The following ZMYM1 variants were observed in gnomAD, a reference collection of about 807,000 sequenced individuals.
ZMYM1 encodes the protein zinc finger MYM-type containing 1.
A neutral mutation model predicts 60.0 loss-of-function variants in ZMYM1; 39 were observed. The ratio of observed to expected loss-of-function variants is 0.65; its 90% CI spans 0.50 to 0.85. The LOEUF (loss-of-function observed/expected upper bound fraction) is 0.85, where lower values mean the gene tolerates loss of function less well. Among genes scored for constraint, ZMYM1 ranks in the 40% least tolerant of loss-of-function variants. ZMYM1 has a pLI of 0.00. For synonymous variants in ZMYM1, 413 were observed against 454.0 expected (o/e 0.91, Z 1.15); for missense variants, 1,171 against 1,309.5 (o/e 0.89, Z 1.63).
At chr1:35,079,985 GC>G (rs978571843) in intron 1 of ZMYM1, among the ~76,000 whole-genome samples, 29 of 152,208 alleles carry the variant, frequency 1.9e-4, no homozygotes, top group African/African-American at 7.0e-4. Flanking sequence ...GGTGGCAGGC[GC>G]CTGTAATCTC....
chr1:35,064,812 C>T (rs1026925823), intron 1 of ZMYM1, among the ~76,000 whole-genome samples: 5 of 151,132 alleles, frequency 3.3e-5, no homozygotes, highest in South Asian at 4.2e-4. Flanking sequence ...TCAGCCTCTC[C>T]GAGTAGCTGG....
chr1:35,085,055 G>GT (rs919832236), intron 1 of ZMYM1, among the ~76,000 whole-genome samples: 22 of 150,510 alleles, frequency 1.5e-4, no homozygotes, highest in Middle Eastern at 3.4e-3. Flanking sequence ...TTTTGGTTTG[G>GT]TTTTTTTTTG....
At chr1:35,092,396 T>C (rs1643070663) in intron 1 of ZMYM1, among the ~76,000 whole-genome samples, 1 of 42,722 alleles carries the variant, frequency 2.3e-5, no homozygotes, top group East Asian at 4.2e-4. Flanking sequence ...CCACACTCGG[T>C]TGATTTTTTT....
chr1:35,084,180 C>CTT (rs934685708), intron 1 of ZMYM1, among the ~76,000 whole-genome samples: 52 of 142,632 alleles, frequency 3.6e-4, no homozygotes, highest in African/African-American at 9.7e-4. Flanking sequence ...TTCCATTTAA[C>CTT]TTTTTTTTTT....
chr1:35,077,097 T>A (rs1642181779), upstream of ZMYM1, among the ~76,000 whole-genome samples: 1 of 152,172 alleles, frequency 6.6e-6, no homozygotes. Context: ...ATCTACTGCT[T>A]GAAATATTGG....
At chr1:35,064,316 A>C in intron 1 of ZMYM1, among the ~76,000 whole-genome samples, 1 of 141,572 alleles carries the variant, frequency 7.1e-6, no homozygotes, top group East Asian at 2.3e-4. Flanking sequence ...AAAAAAAACA[A>C]AAAACACTGA....
At chr1:35,101,271 G>A (rs914412396) in intron 4 of ZMYM1, among the ~76,000 whole-genome samples, 2 of 151,054 alleles carry the variant, frequency 1.3e-5, no homozygotes, top group Admixed American at 1.3e-4. Context: ...ACCATGCCCC[G>A]TTAATTTTTG....
chr1:35,097,205 G>T, intron 3 of ZMYM1, 112 bp from the exon 4 acceptor site: 1 of 1,242,176 alleles, frequency 8.1e-7, no homozygotes. Context: ...GTGCAAAAGA[G>T]GGCAACAGAA....
intron 1 of ZMYM1, among the ~76,000 whole-genome samples, chr1:35,063,473 T>C (rs902837112): frequency 6.6e-6 from 1 of 152,034 alleles, no homozygotes; most frequent in South Asian, 2.1e-4. Context: ...GGCGAATTTT[T>C]AAATTTTTTT....
intron 2 of ZMYM1, 87 bp from the exon 3 acceptor site, chr1:35,095,732 A>T: frequency 1.7e-6 from 2 of 1,162,476 alleles, no homozygotes; most frequent in Non-Finnish European, 2.4e-6. Context: ...AGACTTGACC[A>T]CAATTTATCA....
Position 35,114,854 on chromosome 1 carries a change from A to T in ZMYM1, c.3024A>T (p.Thr1008=), listed in dbSNP as rs1183248013. 1 of 1,605,460 alleles carries T rather than the reference A, an allele frequency of 6.2e-7. No homozygotes were observed. Among genetic ancestry groups the T allele is most frequent in the East Asian group, 2.2e-5 (1 of 44,730 alleles). ...AATGGAATGAACCATTAAATGAAAC[A>T]ACAGCAAAACATGTTCAGGAATTTT... ...LFKWNEPLNE[T]TAKHVQEFYK... Residue 1008 remains threonine (T), a synonymous_variant, in exon 10 of 10, where the codon ACA becomes ACT. Coordinates refer to ENST00000359858, the MANE Select transcript of ZMYM1 (RefSeq NM_024772.5).
chr1:35,113,347 C>A lies in ZMYM1; in HGVS notation c.1517C>A (p.Thr506Asn), dbSNP rs1170660100. 2 of 1,612,808 alleles carry A rather than the reference C, an allele frequency of 1.2e-6. No individual in the cohort carries two copies. Among genetic ancestry groups the A allele is most frequent in the Non-Finnish European group, 1.7e-6 (2 of 1,179,702 alleles). ...CACGGAACTTCTAATTGGAAAAAAA[C>A]CCTGGAAAAATTCAGAAAGCATGAA... The part of the protein sequence containing the change: ...ATHGTSNWKK[T>N]LEKFRKHEKS... The change falls in exon 10 of 10, where the codon ACC becomes AAC. Residue 506 changes from threonine (T) to asparagine (N), a missense_variant. Thr to Asn is a moderately conservative substitution (Grantham distance 65). Coordinates refer to ENST00000359858, the MANE Select transcript of ZMYM1 (RefSeq NM_024772.5).
At chr1:35,101,039 G>A (rs1338618485) in intron 4 of ZMYM1, among the ~76,000 whole-genome samples, 1 of 151,630 alleles carries the variant, frequency 6.6e-6, no homozygotes, top group Non-Finnish European at 1.5e-5. Flanking sequence ...CTGGGCTCAA[G>A]TGATCCTCCT....
chr1:35,085,879 C>A (rs1478672761), intron 1 of ZMYM1, among the ~76,000 whole-genome samples: 2 of 152,154 alleles, frequency 1.3e-5, no homozygotes, highest in Non-Finnish European at 2.9e-5. Flanking sequence ...TGAATGGAAG[C>A]CCACATACTC....
intron 1 of ZMYM1, among the ~76,000 whole-genome samples, chr1:35,082,527 C>T (rs1188651277): frequency 6.6e-6 from 1 of 150,830 alleles, no homozygotes; most frequent in Non-Finnish European, 1.5e-5. Context: ...GATGGGGTTT[C>T]ACCATGTTGG....
intron 3 of ZMYM1, 47 bp from the exon 4 acceptor site, chr1:35,097,270 T>C: frequency 1.9e-6 from 3 of 1,539,316 alleles, no homozygotes; most frequent in Non-Finnish European, 1.7e-6. Flanking sequence ...GCCTACTTAA[T>C]TTTGTGTAAA....
chr1:35,091,887 C>CAAAAAA (rs779081046), intron 1 of ZMYM1, among the ~76,000 whole-genome samples: 24 of 84,502 alleles, frequency 2.8e-4, no homozygotes, highest in African/African-American at 1.1e-3. Context: ...GATCTTGTCT[C>CAAAAAA]AAAAAAAAAA....
chr1:35,102,428 C>T (rs557353038), intron 4 of ZMYM1, among the ~76,000 whole-genome samples: 9 of 152,230 alleles, frequency 5.9e-5, no homozygotes, highest in African/African-American at 2.2e-4. Flanking sequence ...TGCAGATCTT[C>T]TAGATGTTCT....
At chr1:35,110,051 C>T (rs112604861) in intron 6 of ZMYM1, among the ~76,000 whole-genome samples, 6,840 of 152,032 alleles carry the variant, frequency 0.045, 531 homozygotes, top group African/African-American at 0.15. Flanking sequence ...CCTGGCCTTA[C>T]TGCTTTCATA....
Sources: gnomAD v4.1 joint callset for allele counts (sites outside exome capture counted in the v4.1 genomes callset) on GRCh38, gnomAD v4.1.1 for gene constraint, MANE v1.5 for transcripts, NCBI Gene and HGNC (gene_info 2026-07-23, HGNC 2026-07-21) for gene names.